ROBO1: variants seen among roughly 807,000 people sequenced by gnomAD.
ROBO1 encodes roundabout guidance receptor 1.
Under a neutral mutation model 195.9 loss-of-function variants are expected in ROBO1, and 149 were observed. That is an observed-to-expected ratio of 0.76 (90% CI 0.67 to 0.87). The LOEUF is 0.87. ROBO1 is among the 40% of genes least tolerant of loss of function. The pLI is 0.00. For missense variants in ROBO1, 1,933 were observed against 2,068.3 expected (o/e 0.93, Z 1.27); for synonymous variants, 816 against 733.2 (o/e 1.11, Z -1.82).
At chr3:78,856,815 T>C (rs1412369185) in intron 4 of ROBO1, among the ~76,000 whole-genome samples, 1 of 150,914 alleles carries the variant, frequency 6.6e-6, no homozygotes, top group Non-Finnish European at 1.5e-5. Context: ...ATAATCTGCA[T>C]TTTATTAAAA....
At chr3:78,799,623 G>C (rs1464284029) in intron 4 of ROBO1, among the ~76,000 whole-genome samples, 1 of 152,084 alleles carries the variant, frequency 6.6e-6, no homozygotes, top group Non-Finnish European at 1.5e-5. Flanking sequence ...TTACAGGCGT[G>C]AGCCACCGCG....
At chr3:78,825,926 A>G (rs1363009969) in intron 4 of ROBO1, among the ~76,000 whole-genome samples, 1 of 152,182 alleles carries the variant, frequency 6.6e-6, no homozygotes, top group Non-Finnish European at 1.5e-5. Context: ...ATTCACAAAG[A>G]TTACTTTGCT....
chr3:79,694,149 C>T (rs983964767), intron 1 of ROBO1, among the ~76,000 whole-genome samples: 3 of 151,714 alleles, frequency 2.0e-5, no homozygotes, highest in Non-Finnish European at 1.5e-5. Flanking sequence ...GAAAAAACAA[C>T]AACACAACAC....
intron 3 of ROBO1, among the ~76,000 whole-genome samples, chr3:79,064,079 G>A (rs1017629602): frequency 2.0e-5 from 3 of 151,744 alleles, no homozygotes; most frequent in African/African-American, 4.8e-5. Context: ...CAAGGGAGCT[G>A]GAAGAGAAGA....
intron 8 of ROBO1, among the ~76,000 whole-genome samples, chr3:78,689,530 A>C (rs2081123424): frequency 6.6e-6 from 1 of 152,080 alleles, no homozygotes; most frequent in African/African-American, 2.4e-5. Context: ...TCTGGGAAAA[A>C]AAAAAAAGGT....
chr3:79,719,461 A>G (rs913516453), intron 1 of ROBO1, among the ~76,000 whole-genome samples: 1 of 152,154 alleles, frequency 6.6e-6, no homozygotes, highest in Non-Finnish European at 1.5e-5. Flanking sequence ...AACCTTTCAG[A>G]AGGAAAACTT....
At chr3:78,727,347 C>T (rs972931478) in intron 5 of ROBO1, among the ~76,000 whole-genome samples, 1 of 152,154 alleles carries the variant, frequency 6.6e-6, no homozygotes, top group Non-Finnish European at 1.5e-5. Flanking sequence ...TACATCTCGG[C>T]CGGGCGCGGT....
chr3:79,176,145 G>C (rs900599701), intron 2 of ROBO1, among the ~76,000 whole-genome samples: 11 of 152,072 alleles, frequency 7.2e-5, no homozygotes, highest in African/African-American at 2.7e-4. Flanking sequence ...GCTATGGAGT[G>C]TCAAAAAAGT....
chr3:78,963,506 T>TG (rs1429024679), intron 3 of ROBO1, among the ~76,000 whole-genome samples: 15 of 121,238 alleles, frequency 1.2e-4, no homozygotes, highest in Non-Finnish European at 2.3e-4. Context: ...TTTTTTTTTT[T>TG]TTTTTTTTTT....
intron 1 of ROBO1, among the ~76,000 whole-genome samples, chr3:79,604,619 T>G (rs79699621): frequency 0.033 from 4,975 of 152,110 alleles, 271 homozygotes; most frequent in African/African-American, 0.11. Context: ...TATCAAAGAT[T>G]AGAAATGATA....
intron 2 of ROBO1, among the ~76,000 whole-genome samples, chr3:79,154,209 T>C: frequency 6.6e-6 from 1 of 151,720 alleles, no homozygotes; most frequent in Non-Finnish European, 1.5e-5. Context: ...ACATGTAATA[T>C]TAATAAAAAA....
At chr3:78,760,301 C>T (rs1221053467) in intron 4 of ROBO1, among the ~76,000 whole-genome samples, 1 of 152,094 alleles carries the variant, frequency 6.6e-6, no homozygotes, top group Non-Finnish European at 1.5e-5. Flanking sequence ...GCCTATATAC[C>T]TCTAAAATCT....
At chr3:79,673,824 A>G (rs1946702607) in intron 1 of ROBO1, among the ~76,000 whole-genome samples, 1 of 151,860 alleles carries the variant, frequency 6.6e-6, no homozygotes, top group Non-Finnish European at 1.5e-5. Context: ...GGGATTGCTG[A>G]CCCTCTTCCA....
intron 2 of ROBO1, among the ~76,000 whole-genome samples, chr3:79,575,320 A>G (rs1177343601): frequency 7.9e-6 from 1 of 126,298 alleles, no homozygotes; most frequent in Non-Finnish European, 1.6e-5. Context: ...TATATATATA[A>G]CATATATATA....
At chr3:79,766,667 C>A (rs983757917) in intron 1 of ROBO1, among the ~76,000 whole-genome samples, 2 of 152,108 alleles carry the variant, frequency 1.3e-5, no homozygotes, top group Non-Finnish European at 2.9e-5. Flanking sequence ...CTGCTTCTCC[C>A]CATTGTGTTC....
At chr3:79,291,744 C>T (rs2032264772) in intron 2 of ROBO1, among the ~76,000 whole-genome samples, 1 of 152,096 alleles carries the variant, frequency 6.6e-6, no homozygotes, top group African/African-American at 2.4e-5. Context: ...TACCACATAC[C>T]TTCAGAAAGA....
intron 1 of ROBO1, among the ~76,000 whole-genome samples, chr3:79,666,498 T>G (rs1477465684): frequency 6.6e-6 from 1 of 151,930 alleles, no homozygotes; most frequent in Non-Finnish European, 1.5e-5. Context: ...TTCCCACGTG[T>G]TGTAGGAGGG....
intron 3 of ROBO1, among the ~76,000 whole-genome samples, chr3:79,105,262 C>G (rs2079756578): frequency 6.6e-6 from 1 of 151,612 alleles, no homozygotes; most frequent in African/African-American, 2.4e-5. Context: ...TGAGAATCAA[C>G]AGAAAAAGAA....
chr3:78,629,555 G>A (rs966913337), intron 25 of ROBO1, among the ~76,000 whole-genome samples: 5 of 152,136 alleles, frequency 3.3e-5, no homozygotes, highest in Middle Eastern at 3.4e-3. Context: ...ACTTAGCTGG[G>A]TGCTGTGGTA....
Sources: allele counts gnomAD v4.1 joint callset (sites outside exome capture counted in the v4.1 genomes callset), GRCh38; gene constraint gnomAD v4.1.1; transcripts MANE v1.5; gene names NCBI Gene and HGNC (gene_info 2026-07-23, HGNC 2026-07-21).